The following PEBP4 variants were observed in gnomAD, a reference collection of about 807,000 sequenced individuals.
PEBP4 encodes phosphatidylethanolamine-binding protein 4.
In PEBP4, 22 loss-of-function variants were observed where a neutral mutation model predicts 23.9. The ratio of observed to expected loss-of-function variants is 0.92; its 90% CI spans 0.66 to 1.31. The LOEUF (loss-of-function observed/expected upper bound fraction) is 1.31, where lower values mean the gene tolerates loss of function less well. Ranked by LOEUF, PEBP4 falls within the 40% of genes most tolerant of loss-of-function variation. The pLI is 0.00. For synonymous variants in PEBP4, 112 were observed against 99.3 expected (o/e 1.13, Z -0.76); for missense variants, 324 against 281.7 (o/e 1.15, Z -1.07).
intron 4 of PEBP4, among the ~76,000 whole-genome samples, chr8:22,778,583 G>A (rs1805860490): frequency 6.6e-6 from 1 of 152,090 alleles, no homozygotes; most frequent in African/African-American, 2.4e-5. Flanking sequence ...CTGCCTTCCT[G>A]TTGTCCCTGT....
chr8:22,918,915 G>C (rs1809136417), intron 3 of PEBP4, among the ~76,000 whole-genome samples: 1 of 148,384 alleles, frequency 6.7e-6, no homozygotes, highest in Admixed American at 6.7e-5. Context: ...GGGTGTGCAT[G>C]CAAGTGTGTG....
intron 3 of PEBP4, among the ~76,000 whole-genome samples, chr8:22,890,948 C>A (rs1337856937): frequency 1.3e-5 from 2 of 152,196 alleles, no homozygotes; most frequent in African/African-American, 4.8e-5. Context: ...CCTGCCTCAG[C>A]CTTGCGAGTA....
intron 4 of PEBP4, among the ~76,000 whole-genome samples, chr8:22,789,091 A>G (rs1460529186): frequency 6.6e-6 from 1 of 152,236 alleles, no homozygotes; most frequent in Non-Finnish European, 1.5e-5. Context: ...TTTGATTAGG[A>G]CACAGACCAA....
chr8:22,863,708 G>A (rs140387285), intron 3 of PEBP4, among the ~76,000 whole-genome samples: 75 of 152,312 alleles, frequency 4.9e-4, no homozygotes, highest in African/African-American at 1.6e-3. Context: ...AGCAGAGACA[G>A]AGGGTGGGTC....
Position 22,718,632 on chromosome 8 carries a change from C to G in PEBP4, c.518-5096G>C, listed in dbSNP as rs944719948. Among the ~76,000 whole-genome samples, 54 of 152,178 alleles carry G rather than the reference C, an allele frequency of 3.5e-4. 1 individual carries two copies. Among genetic ancestry groups the G allele is most frequent in the Middle Eastern group, 6.8e-3 (2 of 292 alleles). ...ACCCGCTCGGCCAGGTGGGTGGGGC[C>G]CTTTGGAGGAAGAGCGCCTCCTGCC... is the stretch of plus-strand genomic sequence containing the variant. On this transcript the variant is annotated intron_variant, in intron 6 of 6. Coordinates refer to ENST00000256404, the MANE Select transcript of PEBP4 (RefSeq NM_144962.3).
chr8:22,842,581 G>A (rs1052253593), intron 3 of PEBP4, among the ~76,000 whole-genome samples: 10 of 152,178 alleles, frequency 6.6e-5, no homozygotes, highest in African/African-American at 2.4e-4. Flanking sequence ...ATGGGGCTTT[G>A]GAACACTCTT....
intron 4 of PEBP4, among the ~76,000 whole-genome samples, chr8:22,776,505 A>C (rs970420960): frequency 2.6e-5 from 4 of 151,938 alleles, no homozygotes; most frequent in African/African-American, 9.7e-5. Flanking sequence ...TCTTGCTCTC[A>C]GCCTTCAAAC....
At chr8:22,752,071 A>T (rs1805280676) in intron 4 of PEBP4, among the ~76,000 whole-genome samples, 1 of 152,032 alleles carries the variant, frequency 6.6e-6, no homozygotes, top group Admixed American at 6.6e-5. Context: ...TAATTTTTTT[A>T]AAAAGTTTTA....
intron 4 of PEBP4, among the ~76,000 whole-genome samples, chr8:22,733,292 G>A (rs1245312012): frequency 2.0e-5 from 3 of 152,104 alleles, no homozygotes; most frequent in Non-Finnish European, 4.4e-5. Flanking sequence ...CTGGCCCAGT[G>A]CCCAGCCCTT....
chr8:22,813,642 G>C (rs116808074), intron 4 of PEBP4, among the ~76,000 whole-genome samples: 1 of 152,342 alleles, frequency 6.6e-6, no homozygotes, highest in East Asian at 1.9e-4. Flanking sequence ...GATGGAGTCA[G>C]AACTGAAGAT....
At chr8:22,718,115 G>A (rs184245452) in intron 6 of PEBP4, among the ~76,000 whole-genome samples, 6 of 152,254 alleles carry the variant, frequency 3.9e-5, no homozygotes, top group Non-Finnish European at 7.4e-5. Flanking sequence ...TCGGGTAGTG[G>A]GGGGCACTTT....
At chr8:22,759,008 C>T (rs1408095843) in intron 4 of PEBP4, among the ~76,000 whole-genome samples, 3 of 135,300 alleles carry the variant, frequency 2.2e-5, no homozygotes, top group East Asian at 2.4e-4. Flanking sequence ...AGGGAGGGGG[C>T]GAGGGTGGGA....
chr8:22,771,519 A>G (rs899828166), intron 4 of PEBP4, among the ~76,000 whole-genome samples: 2 of 152,170 alleles, frequency 1.3e-5, no homozygotes, highest in Non-Finnish European at 2.9e-5. Context: ...ATTTGTATAG[A>G]TTATAACAAA....
At chr8:22,738,778 C>T (rs1804925829) in intron 4 of PEBP4, among the ~76,000 whole-genome samples, 1 of 152,210 alleles carries the variant, frequency 6.6e-6, no homozygotes. Flanking sequence ...CTCACTCACA[C>T]ACATGCTGTC....
At chr8:22,728,182 T>C (rs1164022332) in intron 4 of PEBP4, among the ~76,000 whole-genome samples, 3 of 151,822 alleles carry the variant, frequency 2.0e-5, no homozygotes, top group Non-Finnish European at 4.4e-5. Context: ...GGGGGAGAGG[T>C]GGGAGGCCCT....
At chr8:22,874,824 A>G (rs1314331737) in intron 3 of PEBP4, among the ~76,000 whole-genome samples, 1 of 152,218 alleles carries the variant, frequency 6.6e-6, no homozygotes, top group African/African-American at 2.4e-5. Context: ...GATAACTGAA[A>G]GATACCATTT....
At position 22,724,868 on chromosome 8, in the gene PEBP4, G is replaced by A; in HGVS notation, c.492C>T (p.Leu164=). The A allele has an allele frequency of 6.2e-7, 1 of 1,614,018 alleles. No homozygotes were observed. Among genetic ancestry groups the A allele is most frequent in the Non-Finnish European group, 8.5e-7 (1 of 1,179,866 alleles). ...VYLQEGKVIS[L]LPKENKTRGS... is the part of the protein sequence containing the mutation. ...CTCGAGTTTTGTTTTCCTTGGGAAGGAGAGAGATGACTTTTCCTTCCTGAA... is the reference window on the plus strand; with the variant it reads ...CTCGAGTTTTGTTTTCCTTGGGAAGAAGAGAGATGACTTTTCCTTCCTGAA... Residue 164 remains leucine, a synonymous_variant, in exon 6 of 7, where the codon CTC becomes CTT. Transcript: ENST00000256404.
chr8:22,891,684 C>T (rs1808498025), intron 3 of PEBP4, among the ~76,000 whole-genome samples: 1 of 152,212 alleles, frequency 6.6e-6, no homozygotes, highest in African/African-American at 2.4e-5. Context: ...CCGCCTCAGA[C>T]AGCAGAGGAG....
intron 3 of PEBP4, among the ~76,000 whole-genome samples, chr8:22,878,977 A>G (rs1808186497): frequency 6.6e-6 from 1 of 152,176 alleles, no homozygotes; most frequent in Non-Finnish European, 1.5e-5. Context: ...TAGCGTGGCT[A>G]TGGGGCGGGT....
Sources: allele counts gnomAD v4.1 joint callset (sites outside exome capture counted in the v4.1 genomes callset), GRCh38; gene constraint gnomAD v4.1.1; transcripts MANE v1.5; gene names NCBI Gene and HGNC (gene_info 2026-07-23, HGNC 2026-07-21).